SH3GL2: variants seen among roughly 807,000 people sequenced by gnomAD.
SH3GL2 encodes the protein SH3 domain containing GRB2 like 2, endophilin A1.
SH3GL2 carries 24 observed loss-of-function variants against 46.0 expected under a neutral mutation model. That is an observed-to-expected ratio of 0.52 (90% CI 0.38 to 0.73). The LOEUF (loss-of-function observed/expected upper bound fraction) is 0.73. SH3GL2 is among the 30% of genes least tolerant of loss of function. SH3GL2 has a pLI of 0.00. For synonymous variants in SH3GL2, 196 were observed against 147.1 expected (o/e 1.33, Z -2.40); for missense variants, 413 against 424.2 (o/e 0.97, Z 0.23).
chr9:17,693,652 C>CA (rs1277303069), intron 1 of SH3GL2, among the ~76,000 whole-genome samples: 2 of 152,134 alleles, frequency 1.3e-5, no homozygotes, highest in Non-Finnish European at 2.9e-5. Context: ...AACTGGACAG[C>CA]AAAATTGCTA....
At chr9:17,697,706 G>T (rs879613539) in intron 1 of SH3GL2, among the ~76,000 whole-genome samples, 1 of 152,102 alleles carries the variant, frequency 6.6e-6, no homozygotes, top group Non-Finnish European at 1.5e-5. Flanking sequence ...ATTGCCCCCC[G>T]AATAGCCTTC....
At chr9:17,625,470 C>T (rs1026036103) in intron 1 of SH3GL2, among the ~76,000 whole-genome samples, 8 of 152,196 alleles carry the variant, frequency 5.3e-5, no homozygotes, top group Non-Finnish European at 7.3e-5. Context: ...CTATTTAAAA[C>T]GCATTCCTAC....
chr9:17,782,977 A>T (rs1823854398), intron 3 of SH3GL2, among the ~76,000 whole-genome samples: 1 of 152,050 alleles, frequency 6.6e-6, no homozygotes. Flanking sequence ...ACACGCAAGG[A>T]AGGGACTCTG....
intron 2 of SH3GL2, among the ~76,000 whole-genome samples, chr9:17,752,900 C>T (rs986769988): frequency 3.9e-5 from 6 of 152,190 alleles, no homozygotes; most frequent in Non-Finnish European, 8.8e-5. Flanking sequence ...GTGTTGTTCC[C>T]CTCTGTGCGT....
intron 3 of SH3GL2, among the ~76,000 whole-genome samples, chr9:17,768,705 C>G (rs1490222894): frequency 6.6e-6 from 1 of 152,092 alleles, no homozygotes; most frequent in East Asian, 1.9e-4. Context: ...CCTCATCTGC[C>G]CCTTCTTCGA....
chr9:17,788,989 C>A (rs1365312844), intron 5 of SH3GL2, among the ~76,000 whole-genome samples: 1 of 152,212 alleles, frequency 6.6e-6, no homozygotes, highest in Non-Finnish European at 1.5e-5. Flanking sequence ...TTTCCTCTGG[C>A]TTCTCATGAG....
chr9:17,630,269 A>G (rs773084335), intron 1 of SH3GL2: 3 of 152,238 alleles, frequency 2.0e-5, no homozygotes, highest in Non-Finnish European at 4.4e-5. Context: ...TATTTATTGA[A>G]TGAATGAATG....
chr9:17,654,273 T>C lies in SH3GL2; in HGVS notation c.45+74986T>C, dbSNP rs148735822. Among the ~76,000 whole-genome samples the C allele has an allele frequency of 2.8e-3, 425 of 152,338 alleles. 2 individuals carry two copies. The highest frequency in any genetic ancestry group is 0.01 in the Middle Eastern group (3 of 294). ...TCTGTCTATGCTCATGTATCATTCA[T>C]AATATCGCTTTACTGTGGTGATTAT... On this transcript the variant is annotated intron_variant, in intron 1 of 8. Transcript: ENST00000380607.
At chr9:17,678,813 G>C (rs989714337) in intron 1 of SH3GL2, among the ~76,000 whole-genome samples, 3 of 152,108 alleles carry the variant, frequency 2.0e-5, no homozygotes, top group Non-Finnish European at 4.4e-5. Context: ...TTTGTATAAG[G>C]TGTAAGGAAG....
At chr9:17,592,343 A>G (rs1320547744) in intron 1 of SH3GL2, among the ~76,000 whole-genome samples, 2 of 152,222 alleles carry the variant, frequency 1.3e-5, no homozygotes, top group Non-Finnish European at 2.9e-5. Context: ...ACACCCTGGC[A>G]GACACACACA....
intron 3 of SH3GL2, among the ~76,000 whole-genome samples, chr9:17,779,294 C>G (rs555323604): frequency 6.6e-6 from 1 of 152,202 alleles, no homozygotes; most frequent in Admixed American, 6.5e-5. Context: ...TAGTAAAAGC[C>G]TTTAGACAAG....
chr9:17,781,331 T>C (rs1823801811), intron 3 of SH3GL2, among the ~76,000 whole-genome samples: 1 of 125,540 alleles, frequency 8.0e-6, no homozygotes, highest in East Asian at 2.4e-4. Context: ...TGGGGTTGTT[T>C]GTTTTTTTCT....
At chr9:17,621,422 G>GCACCTTCATTCAATTCCTGCTTTTTGTAA (rs1819136201) in intron 1 of SH3GL2, among the ~76,000 whole-genome samples, 1 of 152,162 alleles carries the variant, frequency 6.6e-6, no homozygotes, top group Non-Finnish European at 1.5e-5. Context: ...GATTTTTGTG[G>GCACCTTCATTCAATTCCTGCTTTTTGTAA]CACCTTCATT....
intron 3 of SH3GL2, among the ~76,000 whole-genome samples, chr9:17,778,007 T>A (rs1290459228): frequency 1.3e-5 from 2 of 152,020 alleles, no homozygotes; most frequent in Non-Finnish European, 2.9e-5. Context: ...TTTCCTCTTG[T>A]CCATGACAAT....
intron 1 of SH3GL2, among the ~76,000 whole-genome samples, chr9:17,642,426 C>A (rs1051643982): frequency 6.6e-6 from 1 of 152,084 alleles, no homozygotes; most frequent in Admixed American, 6.6e-5. Context: ...TGAAGGCTGC[C>A]CATGCCTATG....
At chr9:17,746,189 C>T (rs1822678452) in intron 1 of SH3GL2, among the ~76,000 whole-genome samples, 1 of 152,194 alleles carries the variant, frequency 6.6e-6, no homozygotes, top group Admixed American at 6.5e-5. Flanking sequence ...CATTCTCCTG[C>T]CTCAGCCTCC....
In SH3GL2 at chr9:17,784,908, C is replaced by T. The variant is rs532316971; in HGVS notation, c.188-1473C>T. 2.8e-3 allele frequency among the ~76,000 whole-genome samples: 422 copies of T among 152,230 alleles called. 2 individuals carry two copies. The highest frequency in any genetic ancestry group is 9.6e-3 in the African/African-American group (401 of 41,556). ...TTAAATTTTTCTGTAGAAATGGGGT[C>T]TTGCTATGTTGCCTTGCTGGTCTCA... On this transcript the variant is annotated intron_variant, in intron 3 of 8. Transcript: ENST00000380607.
intron 1 of SH3GL2, among the ~76,000 whole-genome samples, chr9:17,746,584 A>G (rs1446815303): frequency 6.6e-6 from 1 of 152,198 alleles, no homozygotes; most frequent in Admixed American, 6.5e-5. Context: ...TCTGAAGATT[A>G]GCTGGGCTGA....
intron 1 of SH3GL2, among the ~76,000 whole-genome samples, chr9:17,626,209 C>T (rs1391358791): frequency 6.6e-6 from 1 of 152,186 alleles, no homozygotes; most frequent in African/African-American, 2.4e-5. Flanking sequence ...CCACCTGGCA[C>T]CTGCTTCTTT....
Sources: gnomAD v4.1 joint callset for allele counts (sites outside exome capture counted in the v4.1 genomes callset) on GRCh38, gnomAD v4.1.1 for gene constraint, MANE v1.5 for transcripts, NCBI Gene and HGNC (gene_info 2026-07-23, HGNC 2026-07-21) for gene names.